The following RGS5 variants were observed in gnomAD, a reference collection of about 807,000 sequenced individuals.
The protein encoded by RGS5 is regulator of G-protein signalling 5.
In RGS5, 20 loss-of-function variants were observed where a neutral mutation model predicts 18.9. That is an observed-to-expected ratio of 1.06 (90% confidence interval 0.74 to 1.54). RGS5 has a LOEUF of 1.54. RGS5 is among the 40% of genes most tolerant of loss of function. RGS5 has a pLI of 0.00. For synonymous variants in RGS5, 57 were observed against 76.2 expected (o/e 0.75, Z 1.31); for missense variants, 201 against 211.8 (o/e 0.95, Z 0.32).
intron 2 of RGS5, among the ~76,000 whole-genome samples, chr1:163,165,495 A>G (rs781483617): frequency 1.3e-5 from 2 of 152,234 alleles, no homozygotes; most frequent in African/African-American, 2.4e-5. Context: ...AGGAGGACCT[A>G]CAGCAGAGCC....
intron 2 of RGS5, among the ~76,000 whole-genome samples, chr1:163,300,161 T>C (rs1025648826): frequency 5.3e-5 from 8 of 152,142 alleles, no homozygotes; most frequent in African/African-American, 1.9e-4. Context: ...ACTCCTGAAG[T>C]GTGAATGATG....
chr1:163,303,431 T>C (rs1397209167), intron 2 of RGS5, among the ~76,000 whole-genome samples: 3 of 152,190 alleles, frequency 2.0e-5, no homozygotes, highest in Admixed American at 1.3e-4. Context: ...GATTATTTTT[T>C]TAAAAAGAGA....
chr1:163,242,634 T>TA (rs1384590383), intron 2 of RGS5, among the ~76,000 whole-genome samples: 4 of 152,100 alleles, frequency 2.6e-5, no homozygotes, highest in Non-Finnish European at 4.4e-5. Flanking sequence ...AGGGACAGCA[T>TA]AAAAAAGGTG....
intron 2 of RGS5, among the ~76,000 whole-genome samples, chr1:163,277,375 G>C (rs1202608216): frequency 1.3e-5 from 2 of 152,194 alleles, no homozygotes; most frequent in Non-Finnish European, 2.9e-5. Flanking sequence ...TGTGTCACAA[G>C]TGCATCCTTA....
At chr1:163,192,535 G>C (rs1333893514) in intron 1 of RGS5, among the ~76,000 whole-genome samples, 1 of 152,150 alleles carries the variant, frequency 6.6e-6, no homozygotes, top group South Asian at 2.1e-4. Flanking sequence ...TCATCTTTGT[G>C]AAAGAAAAAT....
intron 2 of RGS5, among the ~76,000 whole-genome samples, chr1:163,270,136 G>A (rs1016476125): frequency 1.3e-5 from 2 of 151,850 alleles, no homozygotes; most frequent in East Asian, 1.9e-4. Flanking sequence ...ATATAGAGTC[G>A]GCATATATGC....
chr1:163,142,945 C>T lies in RGS5; in HGVS notation c.*4397G>A, dbSNP rs376779094. The T allele has an allele frequency of 2.3e-4, 35 of 152,246 alleles. 1 individual carries two copies. The highest frequency in any genetic ancestry group is 8.4e-4 in the African/African-American group (35 of 41,548). The allele number at this position is 152,246 out of a possible 1,614,324, so 9.4% of individuals were successfully genotyped here. On this transcript the variant is annotated 3_prime_UTR_variant, in exon 5 of 5. Coordinates refer to ENST00000313961, the MANE Select transcript of RGS5 (RefSeq NM_003617.4). ...AAAATAATAAGATGTATTATTAAAA[C>T]GTGAGTTGAGAATAATATTCCAAAT...
chr1:163,169,062 T>C (rs1658185261), intron 1 of RGS5, among the ~76,000 whole-genome samples: 3 of 146,704 alleles, frequency 2.0e-5, no homozygotes, highest in Non-Finnish European at 4.5e-5. Context: ...TCTTCCTGTG[T>C]CCATGTGTTC....
chr1:163,292,813 T>C (rs1649323696), intron 2 of RGS5, among the ~76,000 whole-genome samples: 1 of 152,192 alleles, frequency 6.6e-6, no homozygotes, highest in Non-Finnish European at 1.5e-5. Flanking sequence ...TGCATGTATG[T>C]CTTCTTTTGA....
chr1:163,316,455 G>A (rs1156588999), intron 1 of RGS5, among the ~76,000 whole-genome samples: 1 of 152,000 alleles, frequency 6.6e-6, no homozygotes, highest in African/African-American at 2.4e-5. Context: ...ATTGAATGAT[G>A]GCATCAATAA....
intron 1 of RGS5, among the ~76,000 whole-genome samples, chr1:163,174,832 C>T (rs1165037481): frequency 2.0e-5 from 3 of 152,096 alleles, no homozygotes; most frequent in South Asian, 2.1e-4. Flanking sequence ...TCGCTGTAGA[C>T]GCCAGACATA....
intron 2 of RGS5, among the ~76,000 whole-genome samples, chr1:163,268,994 G>A (rs941370834): frequency 6.6e-6 from 1 of 152,036 alleles, no homozygotes; most frequent in Admixed American, 6.6e-5. Context: ...ACTCCAGATC[G>A]CTAGACCTCT....
chr1:163,287,946 G>A (rs61812184), intron 2 of RGS5, among the ~76,000 whole-genome samples: 16,939 of 152,206 alleles, frequency 0.11, 1,260 homozygotes, highest in South Asian at 0.21. Flanking sequence ...TCCCTGAAGG[G>A]AGACCTTTAG....
chr1:163,293,715 T>C (rs1171946778), intron 2 of RGS5, among the ~76,000 whole-genome samples: 1 of 152,120 alleles, frequency 6.6e-6, no homozygotes, highest in Non-Finnish European at 1.5e-5. Flanking sequence ...TCATCAGAGA[T>C]AAGGGAAGTC....
At chr1:163,223,734 G>A (rs574691940) in intron 2 of RGS5, among the ~76,000 whole-genome samples, 2 of 152,192 alleles carry the variant, frequency 1.3e-5, no homozygotes, top group South Asian at 4.2e-4. Context: ...CATACTCCTT[G>A]ATGTACACAT....
chr1:163,282,131 T>C (rs1314981398), intron 2 of RGS5, among the ~76,000 whole-genome samples: 1 of 152,112 alleles, frequency 6.6e-6, no homozygotes, highest in Non-Finnish European at 1.5e-5. Flanking sequence ...GAAAGCCATC[T>C]ATGGCATGAA....
intron 4 of RGS5, 38 bp downstream of exon 4, chr1:163,152,512 G>A: frequency 6.4e-7 from 1 of 1,568,896 alleles, no homozygotes; most frequent in Non-Finnish European, 8.6e-7. Flanking sequence ...GAGAGCTAAT[G>A]AGCTGCCCTT....
chr1:163,157,682 G>C (rs1657641171), intron 3 of RGS5, among the ~76,000 whole-genome samples: 1 of 150,610 alleles, frequency 6.6e-6, no homozygotes, highest in South Asian at 2.1e-4. Context: ...AAGGTTAAAT[G>C]GTTTAAATTT....
At chr1:163,296,420 A>C (rs1230244543) in intron 2 of RGS5, among the ~76,000 whole-genome samples, 1 of 152,164 alleles carries the variant, frequency 6.6e-6, no homozygotes. Context: ...CTGACATGGA[A>C]TCACTAAAAA....
Sources: gnomAD v4.1 joint callset for allele counts (sites outside exome capture counted in the v4.1 genomes callset) on GRCh38, gnomAD v4.1.1 for gene constraint, MANE v1.5 for transcripts, NCBI Gene and HGNC (gene_info 2026-07-23, HGNC 2026-07-21) for gene names.